The following B3GALT1 variants were observed in gnomAD, a reference collection of about 807,000 sequenced individuals.
B3GALT1 encodes UDP-Gal:betaGlcNAc beta 1,3-galactosyltransferase, polypeptide 1.
B3GALT1 carries 10 observed loss-of-function variants against 23.2 expected under a neutral mutation model. The observed-to-expected ratio is 0.43, with a 90% CI of 0.27 to 0.73. B3GALT1 has a LOEUF of 0.73. Among genes scored for constraint, B3GALT1 ranks in the 30% least tolerant of loss-of-function variants. The probability of loss-of-function intolerance (pLI) is 0.21; values close to 1 mark genes in which losing one functional copy is unlikely to be tolerated. For missense variants in B3GALT1, 299 were observed against 405.4 expected (o/e 0.74, Z 2.25); for synonymous variants, 156 against 141.5 (o/e 1.10, Z -0.73).
At chr2:167,827,687 AAAGTCCTTCGC>A (rs1689258300) in intron 4 of B3GALT1, among the ~76,000 whole-genome samples, 1 of 152,156 alleles carries the variant, frequency 6.6e-6, no homozygotes, top group Non-Finnish European at 1.5e-5. Context: ...CTCTATATCC[AAAGTCCTTCGC>A]AAGCTGTGCT....
intron 4 of B3GALT1, among the ~76,000 whole-genome samples, chr2:167,831,709 C>A (rs1051006862): frequency 6.6e-6 from 1 of 152,136 alleles, no homozygotes; most frequent in African/African-American, 2.4e-5. Context: ...TTGAGCCTCA[C>A]TGGTTGGAGA....
chr2:167,434,307 C>T (rs958016879), intron 1 of B3GALT1, among the ~76,000 whole-genome samples: 8 of 151,998 alleles, frequency 5.3e-5, no homozygotes, highest in African/African-American at 1.7e-4. Context: ...ATTTGTTCTA[C>T]AAGAGAAATT....
intron 1 of B3GALT1, among the ~76,000 whole-genome samples, chr2:167,302,119 A>G (rs967505305): frequency 2.0e-5 from 3 of 152,182 alleles, no homozygotes; most frequent in Non-Finnish European, 4.4e-5. Context: ...ATTGATTTTC[A>G]AATGTTGATA....
intron 3 of B3GALT1, among the ~76,000 whole-genome samples, chr2:167,699,371 A>T (rs1022028113): frequency 5.7e-5 from 7 of 121,844 alleles, no homozygotes; most frequent in African/African-American, 2.1e-4. Flanking sequence ...GTTTTTTGCC[A>T]TTATTTCTAT....
intron 1 of B3GALT1, among the ~76,000 whole-genome samples, chr2:167,432,375 G>T (rs1459928629): frequency 1.3e-5 from 2 of 152,186 alleles, no homozygotes; most frequent in South Asian, 2.1e-4. Flanking sequence ...AAGACAATTG[G>T]TTCACCTGGA....
At chr2:167,736,721 G>A (rs1687497620) in intron 3 of B3GALT1, among the ~76,000 whole-genome samples, 1 of 152,058 alleles carries the variant, frequency 6.6e-6, no homozygotes, top group Non-Finnish European at 1.5e-5. Context: ...GGCCAACATG[G>A]CGAAACCCTG....
chr2:167,785,042 C>T (rs1688318388), intron 3 of B3GALT1, among the ~76,000 whole-genome samples: 1 of 152,218 alleles, frequency 6.6e-6, no homozygotes, highest in Non-Finnish European at 1.5e-5. Flanking sequence ...ACCTATACCA[C>T]AGGATCAACA....
intron 1 of B3GALT1, among the ~76,000 whole-genome samples, chr2:167,462,468 T>G (rs185303631): frequency 1.3e-5 from 2 of 152,300 alleles, no homozygotes; most frequent in East Asian, 1.9e-4. Flanking sequence ...CTGGACTACA[T>G]AAGCTTCTTT....
intron 1 of B3GALT1, among the ~76,000 whole-genome samples, chr2:167,448,279 A>G (rs991265285): frequency 1.3e-5 from 2 of 151,836 alleles, no homozygotes; most frequent in Non-Finnish European, 2.9e-5. Flanking sequence ...ATCTATGCCG[A>G]CATCTGTTTT....
At chr2:167,562,104 C>T (rs182969479) in intron 2 of B3GALT1, among the ~76,000 whole-genome samples, 1 of 152,180 alleles carries the variant, frequency 6.6e-6, no homozygotes, top group Non-Finnish European at 1.5e-5. Flanking sequence ...AAAGCTTATC[C>T]ACCATGATCA....
At chr2:167,767,108 G>A (rs2105304549) in intron 3 of B3GALT1, among the ~76,000 whole-genome samples, 1 of 152,284 alleles carries the variant, frequency 6.6e-6, no homozygotes, top group Admixed American at 6.5e-5. Flanking sequence ...GTCTGTAGTT[G>A]ATCTGGGTAC....
chr2:167,870,102 G>C lies in B3GALT1; in HGVS notation c.*82G>C. On this transcript the variant is annotated 3_prime_UTR_variant, in exon 5 of 5. Transcript: ENST00000392690. ...TGTTGGTATTTTCCAGGTGTCGGGGGAAATGAACTGGTGAAGGGGTTTTGT... is the reference window on the plus strand; with the variant it reads ...TGTTGGTATTTTCCAGGTGTCGGGGCAAATGAACTGGTGAAGGGGTTTTGT... 1 of 1,393,456 alleles carries C rather than the reference G, an allele frequency of 7.2e-7. No individual in the cohort carries two copies. The highest frequency in any genetic ancestry group is 9.6e-7 in the Non-Finnish European group (1 of 1,039,634). The allele number at this position is 1,393,456 out of a possible 1,614,324, so 86.3% of individuals were successfully genotyped here. A position where few individuals can be genotyped will look rare whatever the true frequency, so the allele number is the denominator to read the frequency against.
rs1209018353 is a variant in B3GALT1 at position 167,869,642 on chromosome 2, G to A, written c.603G>A (p.Arg201=). 1 of 1,614,128 alleles carries A rather than the reference G, an allele frequency of 6.2e-7. No individual in the cohort carries two copies. The highest frequency in any genetic ancestry group is 1.7e-5 in the Admixed American group (1 of 60,018). The change falls in exon 5 of 5, where the codon AGG becomes AGA. Residue 201 remains arginine (R), a synonymous_variant. Coordinates refer to ENST00000392690, the MANE Select transcript of B3GALT1 (RefSeq NM_020981.4). This position sits in a 1 kb window ranked among gnomAD's most constrained non-coding sequence, Gnocchi z 6.4. ...AACCCTCCACCAAGCCACGAAGAAG[G>A]TATTTTACTGGCTATGTCATTAATG... ...LLKPSTKPRR[R]YFTGYVINGG...
intron 3 of B3GALT1, among the ~76,000 whole-genome samples, chr2:167,801,466 G>A (rs1413494482): frequency 6.6e-6 from 1 of 152,124 alleles, no homozygotes; most frequent in South Asian, 2.1e-4. Flanking sequence ...GTCAAAGACC[G>A]GTCTCATTCA....
chr2:167,542,688 C>T (rs1339403034), intron 2 of B3GALT1, among the ~76,000 whole-genome samples: 2 of 152,038 alleles, frequency 1.3e-5, no homozygotes, highest in Non-Finnish European at 2.9e-5. Flanking sequence ...AAAAGCAAGT[C>T]CACAAAGTGG....
intron 1 of B3GALT1, among the ~76,000 whole-genome samples, chr2:167,463,114 G>T (rs1051366914): frequency 3.3e-5 from 5 of 151,470 alleles, no homozygotes; most frequent in African/African-American, 1.2e-4. Flanking sequence ...CTAATGAGTT[G>T]TCCTGGTTAT....
chr2:167,814,016 A>C (rs1251109764), intron 3 of B3GALT1, among the ~76,000 whole-genome samples: 4 of 152,250 alleles, frequency 2.6e-5, no homozygotes, highest in Non-Finnish European at 5.9e-5. Context: ...TTATGACTTC[A>C]TTAAACAAAT....
At chr2:167,526,207 A>T (rs745772842) in intron 2 of B3GALT1, among the ~76,000 whole-genome samples, 1 of 152,130 alleles carries the variant, frequency 6.6e-6, no homozygotes. Flanking sequence ...ACACACACAT[A>T]TATGTATAAA....
chr2:167,666,828 T>C (rs1686203212), intron 3 of B3GALT1, among the ~76,000 whole-genome samples: 1 of 152,208 alleles, frequency 6.6e-6, no homozygotes, highest in East Asian at 1.9e-4. Flanking sequence ...TCCTTTTATT[T>C]TGAGCTTATG....
Sources: allele counts gnomAD v4.1 joint callset (sites outside exome capture counted in the v4.1 genomes callset), GRCh38; gene constraint gnomAD v4.1.1; non-coding constraint Gnocchi (gnomAD v3.1); transcripts MANE v1.5; gene names NCBI Gene and HGNC (gene_info 2026-07-23, HGNC 2026-07-21).